GALNT2: variants seen among roughly 807,000 people sequenced by gnomAD.
GALNT2 encodes the protein polypeptide N-acetylgalactosaminyltransferase 2, also known as UDP-GalNAc:polypeptide N-acetylgalactosaminyltransferase 2.
In GALNT2, 31 loss-of-function variants were observed where a neutral mutation model predicts 81.4. The observed-to-expected ratio is 0.38, with a 90% CI of 0.29 to 0.51. The LOEUF (loss-of-function observed/expected upper bound fraction) is 0.51, where lower values mean the gene tolerates loss of function less well. Among genes scored for constraint, GALNT2 ranks in the 20% least tolerant of loss-of-function variants. The probability of loss-of-function intolerance (pLI) is 0.87; values close to 1 mark genes in which losing one functional copy is unlikely to be tolerated. For missense variants in GALNT2, 629 were observed against 765.7 expected (o/e 0.82, Z 2.11); for synonymous variants, 303 against 287.4 (o/e 1.05, Z -0.55).
At chr1:230,151,827 G>A (rs1215012315) in intron 1 of GALNT2, among the ~76,000 whole-genome samples, 1 of 152,246 alleles carries the variant, frequency 6.6e-6, no homozygotes, top group African/African-American at 2.4e-5. Flanking sequence ...TCCATAGACA[G>A]AGCAGCCTCG....
Position 230,257,605 on chromosome 1 carries a change from T to C in GALNT2, c.1136+2261T>C, listed in dbSNP as rs577015090. ...TACACCATCTAGGTTTGTGTAAATA[T>C]ACTCTATGATGTTCACACAACGACA... On this transcript the variant is annotated intron_variant, in intron 11 of 15. Coordinates refer to ENST00000366672, the MANE Select transcript of GALNT2 (RefSeq NM_004481.5). The surrounding 1 kb of genome is among the most constrained non-coding windows in gnomAD (Gnocchi z 4.6). 5.3e-5 allele frequency among the ~76,000 whole-genome samples: 8 copies of C among 152,340 alleles called. No homozygotes were observed. The highest frequency in any genetic ancestry group is 3.4e-3 in the Middle Eastern group (1 of 294).
chr1:230,193,433 G>A lies in GALNT2; in HGVS notation c.221-9704G>A, dbSNP rs182288095. Among the ~76,000 whole-genome samples, 4 of 152,144 alleles carry A rather than the reference G, an allele frequency of 2.6e-5. No individual in the cohort carries two copies. The highest frequency in any genetic ancestry group is 1.9e-4 in the East Asian group (1 of 5,186). On this transcript the variant is annotated intron_variant, in intron 2 of 15. Coordinates refer to ENST00000366672, the MANE Select transcript of GALNT2 (RefSeq NM_004481.5). This position sits in a 1 kb window ranked among gnomAD's most constrained non-coding sequence, Gnocchi z 4.3. ...CGCAACTGAGAGTCCTCTAAAGACC[G>A]CATTTGTGCATGTGCCTGTGCGTGA...
At chr1:230,246,633 C>G (rs1373186327) in intron 8 of GALNT2, among the ~76,000 whole-genome samples, 1 of 152,160 alleles carries the variant, frequency 6.6e-6, no homozygotes, top group Non-Finnish European at 1.5e-5. Context: ...CCTCACCAAG[C>G]CCACGTGTGA....
rs770333601 is a variant in GALNT2, at chr1:230,162,666, A to C, written c.127-15552A>C. Among the ~76,000 whole-genome samples, 81 of 152,162 alleles carry C rather than the reference A, an allele frequency of 5.3e-4. 1 individual carries two copies. The highest frequency in any genetic ancestry group is 1.1e-3 in the Non-Finnish European group (77 of 68,024). The stretch of plus-strand genomic sequence containing the variant: ...ACTTTCCCTCTGCCTTGCTATGTAA[A>C]TACTGTTTATAAAAACAGTATGTGA... On this transcript the variant is annotated intron_variant, in intron 1 of 15. Coordinates refer to ENST00000366672, the MANE Select transcript of GALNT2 (RefSeq NM_004481.5).
At chr1:230,119,296 C>G (rs1473915313) in intron 1 of GALNT2, among the ~76,000 whole-genome samples, 1 of 152,196 alleles carries the variant, frequency 6.6e-6, no homozygotes, top group Non-Finnish European at 1.5e-5. Flanking sequence ...AATCGCCTTA[C>G]TGTTTTCCAG....
intron 11 of GALNT2, among the ~76,000 whole-genome samples, chr1:230,260,857 G>T (rs955580284): frequency 2.6e-5 from 4 of 152,146 alleles, no homozygotes; most frequent in African/African-American, 9.7e-5. Flanking sequence ...ATAATTTGAT[G>T]AATTCGTCTG....
At chr1:230,177,574 GC>G (rs1259435841) in intron 1 of GALNT2, among the ~76,000 whole-genome samples, 2 of 152,304 alleles carry the variant, frequency 1.3e-5, no homozygotes, top group East Asian at 3.9e-4. Flanking sequence ...TAAATTGTTT[GC>G]CCAGATGAGT....
chr1:230,092,178 T>G (rs1223868601), intron 1 of GALNT2: 1 of 103,482 alleles, frequency 9.7e-6, no homozygotes, highest in Admixed American at 1.0e-4. Context: ...TTCCTTTAGT[T>G]TTTTTTTTTT....
chr1:230,226,374 C>T (rs1330154500), intron 3 of GALNT2, among the ~76,000 whole-genome samples: 1 of 152,218 alleles, frequency 6.6e-6, no homozygotes, highest in Non-Finnish European at 1.5e-5. Flanking sequence ...AACACCCTCC[C>T]CCTGCCACCG....
intron 1 of GALNT2, among the ~76,000 whole-genome samples, chr1:230,122,756 T>C (rs1363021204): frequency 6.6e-6 from 1 of 152,170 alleles, no homozygotes; most frequent in African/African-American, 2.4e-5. Context: ...CCACTAAGGA[T>C]GATTTGGGAT....
At chr1:230,156,342 G>A (rs1662257016) in intron 1 of GALNT2, among the ~76,000 whole-genome samples, 1 of 152,034 alleles carries the variant, frequency 6.6e-6, no homozygotes, top group Non-Finnish European at 1.5e-5. Context: ...CTGGTTACAT[G>A]GCTGAAGTTC....
In GALNT2 at chr1:230,279,700, G is replaced by C; in HGVS notation, c.*242G>C. The C allele has an allele frequency of 1.8e-6, 1 of 568,310 alleles. No homozygotes were observed. Among genetic ancestry groups the C allele is most frequent in the Non-Finnish European group, 3.2e-6 (1 of 313,006 alleles). 35.2% of individuals were successfully genotyped at this position (568,310 alleles called of 1,614,324 possible). ...CAGCCGGGCCCCCTTCCCCAGGCCGGAGCGCCCCTCTTCCTTCCAGCTTTC... is the reference window on the plus strand; with the variant it reads ...CAGCCGGGCCCCCTTCCCCAGGCCGCAGCGCCCCTCTTCCTTCCAGCTTTC... On this transcript the variant is annotated 3_prime_UTR_variant, in exon 16 of 16. Coordinates refer to ENST00000366672, the MANE Select transcript of GALNT2 (RefSeq NM_004481.5). This position sits in a 1 kb window ranked among gnomAD's most constrained non-coding sequence, Gnocchi z 4.6.
At chr1:230,215,892 A>ATG (rs1414472007) in intron 3 of GALNT2, among the ~76,000 whole-genome samples, 2 of 152,252 alleles carry the variant, frequency 1.3e-5, no homozygotes, top group Non-Finnish European at 2.9e-5. Flanking sequence ...AGCTTTAAGT[A>ATG]AAGAATGAAC....
At chr1:230,192,540 T>C (rs1663561984) in intron 2 of GALNT2, among the ~76,000 whole-genome samples, 1 of 152,232 alleles carries the variant, frequency 6.6e-6, no homozygotes, top group South Asian at 2.1e-4. Flanking sequence ...TAGGCTAAAT[T>C]TATTATGGTT....
intron 2 of GALNT2, among the ~76,000 whole-genome samples, chr1:230,192,667 G>A (rs1558133005): frequency 1.3e-5 from 2 of 152,082 alleles, no homozygotes; most frequent in Admixed American, 1.3e-4. Context: ...ACTGTTTTGT[G>A]GTATATTTTT....
chr1:230,083,208 G>A (rs1216021758), intron 1 of GALNT2, among the ~76,000 whole-genome samples: 4 of 147,852 alleles, frequency 2.7e-5, no homozygotes, highest in Non-Finnish European at 6.0e-5. Flanking sequence ...GGATGATGGA[G>A]CGGGGGGGCC....
chr1:230,280,570 T>G lies in GALNT2; in HGVS notation c.*1112T>G, dbSNP rs1047253555. 1.9e-5 allele frequency: 3 copies of G among 154,702 alleles called. No individual in the cohort carries two copies. In the East Asian group the frequency reaches 5.7e-4, roughly 30 times the overall value. The allele number at this position is 154,702 out of a possible 1,614,324, so 9.6% of individuals were successfully genotyped here. Reference sequence around the variant, plus strand: ...ATTGGCTTCATTGTGATCTGAGCCCTGCACGCTGGGCCTTCAGAATTAATG... The same window carrying G: ...ATTGGCTTCATTGTGATCTGAGCCCGGCACGCTGGGCCTTCAGAATTAATG... On this transcript the variant is annotated 3_prime_UTR_variant, in exon 16 of 16. Coordinates refer to ENST00000366672, the MANE Select transcript of GALNT2 (RefSeq NM_004481.5).
Position 230,279,135 on chromosome 1 carries a change from G to A in GALNT2, c.1561-168G>A, listed in dbSNP as rs1019996079. Among the ~76,000 whole-genome samples, 3 of 152,190 alleles carry A rather than the reference G, an allele frequency of 2.0e-5. No homozygotes were observed. The highest frequency in any genetic ancestry group is 4.4e-5 in the Non-Finnish European group (3 of 68,028). Reference sequence around the variant, plus strand: ...TGGGTCCCAGCAGCACCTGTGGCTGGTTTCCTGTGGGGCTGCTGCAAGCTC... The same window carrying A: ...TGGGTCCCAGCAGCACCTGTGGCTGATTTCCTGTGGGGCTGCTGCAAGCTC... On this transcript the variant is annotated intron_variant, in intron 15 of 15. Coordinates refer to ENST00000366672, the MANE Select transcript of GALNT2 (RefSeq NM_004481.5). The surrounding 1 kb of genome is among the most constrained non-coding windows in gnomAD (Gnocchi z 4.6).
At position 230,067,376 on chromosome 1, in the gene GALNT2, C is replaced by T. The variant is rs1659226237; in HGVS notation, c.96C>T (p.Ala32=). 3 of 1,298,104 alleles carry T rather than the reference C, an allele frequency of 2.3e-6. No homozygotes were observed. Among genetic ancestry groups the T allele is most frequent in the Non-Finnish European group, 3.0e-6 (3 of 1,016,728 alleles). The allele number at this position is 1,298,104 out of a possible 1,614,324, so 80.4% of individuals were successfully genotyped here. ...ACTCGGGGGGCGGCTCTGCGCTGGC[C>T]GGGGGCGCGGGCGGCGGCGCCGGCA... ...YMYSGGGSAL[A]GGAGGGAGRK... The change falls in exon 1 of 16, where the codon GCC becomes GCT. Residue 32 remains alanine, a synonymous_variant. Transcript: ENST00000366672.
Sources: gnomAD v4.1 joint callset for allele counts (sites outside exome capture counted in the v4.1 genomes callset) on GRCh38, gnomAD v4.1.1 for gene constraint, Gnocchi (gnomAD v3.1) non-coding constraint, MANE v1.5 for transcripts, NCBI Gene and HGNC (gene_info 2026-07-23, HGNC 2026-07-21) for gene names.